PRKG1: variants seen among roughly 807,000 people sequenced by gnomAD.
PRKG1 encodes protein kinase cGMP-dependent 1.
In PRKG1, 35 loss-of-function variants were observed where a neutral mutation model predicts 88.1. That is an observed-to-expected ratio of 0.40 (90% CI 0.30 to 0.53). PRKG1 has a LOEUF of 0.53. Among genes scored for constraint, PRKG1 ranks in the 20% least tolerant of loss-of-function variants. The pLI, the probability that PRKG1 is intolerant of heterozygous loss-of-function variation, is 0.59. For missense variants in PRKG1, 540 were observed against 839.8 expected (o/e 0.64, Z 4.41); for synonymous variants, 303 against 292.5 (o/e 1.04, Z -0.37).
rs34997494 is a variant in PRKG1 at position 52,062,541 on chromosome 10, A to G, written c.845A>G (p.Asn282Ser). The change falls in exon 7 of 18, where the codon AAT (asparagine) becomes AGT (serine). Residue 282 changes from asparagine (N) to serine (S), a missense_variant. By Grantham distance (46) the Asn-to-Ser change is conservative. Transcript: ENST00000373980. ...TFFIISKGTV[N>S]VTREDSPSED... The stretch of plus-strand genomic sequence containing the variant: ...TTTCATTGTTTCTCTTTGCAGGTAA[A>G]TGTCACTCGTGAAGACTCACCGAGT... 76,598 of 1,577,504 alleles carry G rather than the reference A, an allele frequency of 0.049. 1,976 individuals are homozygous for G. Among genetic ancestry groups the G allele is most frequent in the East Asian group, 0.056 (2,468 of 44,458 alleles).
At chr10:51,696,926 T>C (rs1373779570) in intron 3 of PRKG1, 16 of 152,186 alleles carry the variant, frequency 1.1e-4, no homozygotes, top group Non-Finnish European at 1.5e-5. Context: ...AATAGGAAGG[T>C]ATTGAGAGAC....
intron 1 of PRKG1, among the ~76,000 whole-genome samples, chr10:51,095,671 C>A (rs896788565): frequency 5.5e-4 from 84 of 152,226 alleles, no homozygotes; most frequent in African/African-American, 2.0e-3. Flanking sequence ...CAAGTATTGG[C>A]GCAGTGTGAT....
At chr10:52,019,169 A>T (rs1026496180) in intron 5 of PRKG1, among the ~76,000 whole-genome samples, 5 of 152,096 alleles carry the variant, frequency 3.3e-5, no homozygotes, top group African/African-American at 9.6e-5. Context: ...GAACTCAGTC[A>T]CCCCACGGAG....
chr10:51,869,879 A>G (rs1397353692), intron 4 of PRKG1, among the ~76,000 whole-genome samples: 1 of 152,182 alleles, frequency 6.6e-6, no homozygotes, highest in Non-Finnish European at 1.5e-5. Flanking sequence ...AATGTTAAGT[A>G]TTACTACTCT....
chr10:52,054,531 G>C lies in PRKG1; in HGVS notation c.810G>C (p.Gly270=), dbSNP rs151055252. ...GEYIIRQGAR[G]DTFFIISKGT... is the part of the protein sequence containing the mutation. ...ATATTATCAGGCAAGGTGCAAGAGG[G>C]GACACCTTCTTTATCATCAGCAAAG... The change falls in exon 6 of 18, where the codon GGG becomes GGC. Residue 270 remains glycine (G), a synonymous_variant. Transcript: ENST00000373980. 3.3e-5 allele frequency: 53 copies of C among 1,613,824 alleles called. No individual in the cohort carries two copies. The African/African-American group carries it at 5.7e-4, about 17-fold the overall frequency.
chr10:51,850,856 C>T (rs923807586), intron 4 of PRKG1, among the ~76,000 whole-genome samples: 22 of 152,046 alleles, frequency 1.4e-4, no homozygotes, highest in African/African-American at 5.1e-4. Context: ...TGAGAGGAAA[C>T]AGGTATTCTC....
chr10:51,621,003 ATG>A (rs1353240634), intron 3 of PRKG1, among the ~76,000 whole-genome samples: 4,786 of 133,712 alleles, frequency 0.036, 208 homozygotes, highest in East Asian at 0.063. Flanking sequence ...GTGTGTGTAT[ATG>A]TGTGTATATA....
intron 4 of PRKG1, among the ~76,000 whole-genome samples, chr10:51,861,810 T>C (rs1287727604): frequency 1.3e-5 from 2 of 152,246 alleles, no homozygotes; most frequent in African/African-American, 4.8e-5. Context: ...ATCCTCTCAG[T>C]GCCCTTTTGC....
chr10:52,270,980 T>C (rs542478334), intron 10 of PRKG1, among the ~76,000 whole-genome samples: 1 of 152,242 alleles, frequency 6.6e-6, no homozygotes, highest in Non-Finnish European at 1.5e-5. Flanking sequence ...CCATCTTTAC[T>C]GAAATAAAAT....
intron 4 of PRKG1, among the ~76,000 whole-genome samples, chr10:51,812,722 G>A (rs192216270): frequency 2.0e-5 from 3 of 152,160 alleles, no homozygotes; most frequent in East Asian, 1.9e-4. Flanking sequence ...GAAATGCTTC[G>A]TTGTTGTTGC....
At chr10:51,015,936 C>T (rs891835074) in intron 1 of PRKG1, among the ~76,000 whole-genome samples, 2 of 152,006 alleles carry the variant, frequency 1.3e-5, no homozygotes, top group African/African-American at 4.8e-5. Context: ...AGGGTCTTCT[C>T]ACAGCTGTGT....
chr10:51,615,660 CT>C (rs1234102470), intron 3 of PRKG1, among the ~76,000 whole-genome samples: 3 of 146,882 alleles, frequency 2.0e-5, no homozygotes, highest in African/African-American at 7.6e-5. Context: ...CTGCTTGGTT[CT>C]TTTTTTTTTA....
intron 3 of PRKG1, among the ~76,000 whole-genome samples, chr10:51,617,259 G>C (rs2132255240): frequency 6.6e-6 from 1 of 152,208 alleles, no homozygotes; most frequent in South Asian, 2.1e-4. Context: ...GCTTGCTTTA[G>C]GTATGCCTTC....
intron 2 of PRKG1, among the ~76,000 whole-genome samples, chr10:51,243,643 A>C (rs1337523878): frequency 6.6e-6 from 1 of 152,124 alleles, no homozygotes; most frequent in African/African-American, 2.4e-5. Context: ...TCCTGATGTA[A>C]TCCATCATGG....
At chr10:52,194,315 AC>A (rs1453615753) in intron 9 of PRKG1, among the ~76,000 whole-genome samples, 12 of 152,116 alleles carry the variant, frequency 7.9e-5, no homozygotes, top group Admixed American at 3.9e-4. Flanking sequence ...ATAAAAAACA[AC>A]CCTGTCAACT....
chr10:51,050,401 G>A (rs1476650540), intron 1 of PRKG1, among the ~76,000 whole-genome samples: 2 of 151,958 alleles, frequency 1.3e-5, no homozygotes, highest in Non-Finnish European at 2.9e-5. Context: ...CCTTATAAAA[G>A]TGGGATCACA....
chr10:51,905,775 A>G lies in PRKG1; in HGVS notation c.699-1732A>G, dbSNP rs573392715. 3.3e-5 allele frequency among the ~76,000 whole-genome samples: 5 copies of G among 152,306 alleles called. No individual in the cohort carries two copies. The East Asian group carries it at 7.7e-4, about 24-fold the overall frequency. ...ATGTATTGGAGCAAACTAAGCTAAT[A>G]TATTTCATGGGTAGAACTTTTCAGG... On this transcript the variant is annotated intron_variant, in intron 4 of 17. Transcript: ENST00000373980.
intron 2 of PRKG1, among the ~76,000 whole-genome samples, chr10:51,283,643 G>A (rs1840359575): frequency 1.3e-5 from 2 of 152,150 alleles, no homozygotes; most frequent in African/African-American, 4.8e-5. Context: ...AAGAGGTAGT[G>A]GAGAAGACAC....
intron 2 of PRKG1, among the ~76,000 whole-genome samples, chr10:51,325,387 C>T (rs561272186): frequency 1.8e-4 from 28 of 152,070 alleles, no homozygotes; most frequent in South Asian, 1.0e-3. Flanking sequence ...TTAGTAGAGA[C>T]GCAGTTTCAC....
Sources: gnomAD v4.1 joint callset for allele counts (sites outside exome capture counted in the v4.1 genomes callset) on GRCh38, gnomAD v4.1.1 for gene constraint, MANE v1.5 for transcripts, NCBI Gene and HGNC (gene_info 2026-07-23, HGNC 2026-07-21) for gene names.